The following FILIP1 variants were observed in gnomAD, a reference collection of about 807,000 sequenced individuals.
FILIP1 encodes the protein filamin-A-interacting protein 1.
A neutral mutation model predicts 102.1 loss-of-function variants in FILIP1; 61 were observed. The ratio of observed to expected loss-of-function variants is 0.60; its 90% CI spans 0.49 to 0.74. FILIP1 has a LOEUF of 0.74. Among genes scored for constraint, FILIP1 ranks in the 30% least tolerant of loss-of-function variants. FILIP1 has a pLI of 0.00. For synonymous variants in FILIP1, 491 were observed against 526.9 expected, an observed-to-expected ratio of 0.93 and a Z score of 0.93; for missense variants, 1,314 against 1,441.2, an observed-to-expected ratio of 0.91 and a Z score of 1.43.
Position 75,314,893 on chromosome 6 carries a change from C to T in FILIP1, c.939G>A (p.Glu313=), listed in dbSNP as rs1405831663. Residue 313 remains glutamate, a synonymous_variant, in exon 5 of 6, where the codon GAG becomes GAA. Coordinates refer to ENST00000237172, the MANE Select transcript of FILIP1 (RefSeq NM_015687.5). ...CCAGTTTAGCGTTCATCTCTTCATG[C>T]TCTTGAGAAAACCTCGAAGCCTTGT... The part of the protein sequence containing the change: ...FEHKASRFSQ[E]HEEMNAKLAN... The T allele has an allele frequency of 4.3e-6, 7 of 1,614,078 alleles. No individual in the cohort carries two copies. The highest frequency in any genetic ancestry group is 5.9e-6 in the Non-Finnish European group (7 of 1,180,028).
intron 6 of FILIP1, among the ~76,000 whole-genome samples, chr6:75,299,978 C>A (rs1772792245): frequency 6.6e-6 from 1 of 152,094 alleles, no homozygotes; most frequent in South Asian, 2.1e-4. Flanking sequence ...AACCTCACAA[C>A]AAATTAGAAT....
At chr6:75,373,446 T>C (rs2808189) in intron 2 of FILIP1, among the ~76,000 whole-genome samples, 112,236 of 152,100 alleles carry the variant, frequency 0.74, 41,927 homozygotes, top group African/African-American at 0.86. Context: ...ATATTACATA[T>C]ATTTTACCAC....
chr6:75,326,049 A>G (rs1562461620), intron 4 of FILIP1, among the ~76,000 whole-genome samples: 1 of 152,030 alleles, frequency 6.6e-6, no homozygotes, highest in Non-Finnish European at 1.5e-5. Context: ...TGAGATATAG[A>G]TAATAGACAG....
chr6:75,392,352 A>G (rs1047913490), intron 2 of FILIP1, among the ~76,000 whole-genome samples: 2 of 152,126 alleles, frequency 1.3e-5, no homozygotes, highest in African/African-American at 4.8e-5. Context: ...TCAAATGCCA[A>G]AGTTTCAGAT....
chr6:75,375,538 G>C (rs757033616), intron 2 of FILIP1, among the ~76,000 whole-genome samples: 8 of 152,248 alleles, frequency 5.3e-5, no homozygotes, highest in Non-Finnish European at 1.0e-4. Flanking sequence ...CAAGGCTTAT[G>C]AGATAACCTA....
chr6:75,427,331 A>G (rs79724206), intron 1 of FILIP1, among the ~76,000 whole-genome samples: 3,582 of 152,264 alleles, frequency 0.024, 142 homozygotes, highest in African/African-American at 0.081. Context: ...TTTTACATGT[A>G]TCTTAACTTT....
chr6:75,434,903 T>C (rs937032769), intron 1 of FILIP1, among the ~76,000 whole-genome samples: 5 of 152,220 alleles, frequency 3.3e-5, no homozygotes, highest in African/African-American at 7.2e-5. Context: ...ACGAAGGGCG[T>C]TGAATTTTGT....
Position 75,461,263 on chromosome 6 carries a change from G to A in FILIP1, c.-7+32151C>T, listed in dbSNP as rs117579444. Among the ~76,000 whole-genome samples, 135 of 152,280 alleles carry A rather than the reference G, an allele frequency of 8.9e-4. 1 individual carries two copies. The East Asian group carries it at 0.024, about 28-fold the overall frequency. ...ACATTATTCTCAGTTTTACAAACAA[G>A]GAATCCAAGGCAGAGAGAAGTTAAG... On this transcript the variant is annotated intron_variant, in intron 1 of 5. Coordinates refer to ENST00000237172, the MANE Select transcript of FILIP1 (RefSeq NM_015687.5).
At chr6:75,413,748 A>G (rs957669952) in intron 2 of FILIP1, among the ~76,000 whole-genome samples, 1 of 151,974 alleles carries the variant, frequency 6.6e-6, no homozygotes, top group Non-Finnish European at 1.5e-5. Context: ...ACAAAAATGA[A>G]AACAGTAGCT....
At chr6:75,315,235 A>G (rs773367637) in intron 4 of FILIP1, 33 bp from the exon 5 acceptor site, 1 of 1,373,350 alleles carries the variant, frequency 7.3e-7, no homozygotes, top group Non-Finnish European at 9.7e-7. Flanking sequence ...ATGTTAAAAG[A>G]GTAATCAGCA....
chr6:75,481,260 G>A (rs1779643586), intron 1 of FILIP1, among the ~76,000 whole-genome samples: 1 of 152,108 alleles, frequency 6.6e-6, no homozygotes, highest in Non-Finnish European at 1.5e-5. Flanking sequence ...ATTCACCATT[G>A]TATCCCAATC....
At chr6:75,421,975 T>C (rs1232053997) in intron 1 of FILIP1, among the ~76,000 whole-genome samples, 1 of 152,148 alleles carries the variant, frequency 6.6e-6, no homozygotes, top group Non-Finnish European at 1.5e-5. Flanking sequence ...ACTTCACTTA[T>C]TTATACTCAC....
intron 1 of FILIP1, among the ~76,000 whole-genome samples, chr6:75,488,907 A>T (rs1328118632): frequency 6.6e-6 from 1 of 152,194 alleles, no homozygotes; most frequent in Non-Finnish European, 1.5e-5. Context: ...AAGAATGAAT[A>T]GGATTAAGGG....
At chr6:75,475,957 T>C (rs190123332) in intron 1 of FILIP1, among the ~76,000 whole-genome samples, 73 of 152,268 alleles carry the variant, frequency 4.8e-4, no homozygotes, top group African/African-American at 1.7e-3. Flanking sequence ...AAAAGTAACA[T>C]TGGCCAGGCG....
At chr6:75,465,310 C>A in intron 1 of FILIP1, 1 of 351,412 alleles carries the variant, frequency 2.8e-6, no homozygotes, top group Non-Finnish European at 5.2e-6. Flanking sequence ...TTTATGAAAA[C>A]TGAATATACA....
chr6:75,493,083 C>T (rs542004834), intron 1 of FILIP1, among the ~76,000 whole-genome samples: 45 of 152,322 alleles, frequency 3.0e-4, no homozygotes, highest in Admixed American at 9.8e-4. Context: ...ATTGCTTAGC[C>T]ATCCCAATTG....
At chr6:75,333,968 A>G (rs994987947) in intron 4 of FILIP1, among the ~76,000 whole-genome samples, 1 of 152,196 alleles carries the variant, frequency 6.6e-6, no homozygotes, top group African/African-American at 2.4e-5. Flanking sequence ...TTCAGAACAA[A>G]CACGGCTTTC....
chr6:75,475,687 T>A (rs760507987), intron 1 of FILIP1, among the ~76,000 whole-genome samples: 2 of 152,188 alleles, frequency 1.3e-5, no homozygotes, highest in African/African-American at 4.8e-5. Flanking sequence ...TTTATGAGCC[T>A]CACCTCATTC....
At chr6:75,442,143 A>C (rs931967090) in intron 1 of FILIP1, among the ~76,000 whole-genome samples, 91 of 150,270 alleles carry the variant, frequency 6.1e-4, no homozygotes, top group African/African-American at 2.2e-3. Flanking sequence ...CGCTCCCCAC[A>C]GCTCAGACAA....
Sources: gnomAD v4.1 joint callset for allele counts (sites outside exome capture counted in the v4.1 genomes callset) on GRCh38, gnomAD v4.1.1 for gene constraint, MANE v1.5 for transcripts, NCBI Gene and HGNC (gene_info 2026-07-23, HGNC 2026-07-21) for gene names.